The following CSMD1 variants were observed in gnomAD, a reference collection of about 807,000 sequenced individuals.
The protein encoded by CSMD1 is CUB and sushi domain-containing protein 1.
In CSMD1, 213 loss-of-function variants were observed where a neutral mutation model predicts 417.5. The ratio of observed to expected loss-of-function variants is 0.51; its 90% CI spans 0.46 to 0.57. The LOEUF is 0.57. CSMD1 is among the 20% of genes least tolerant of loss of function. CSMD1 has a pLI of 0.00. For synonymous variants in CSMD1, 2,862 were observed against 1,736.8 expected (o/e 1.65, Z -16.11); for missense variants, 6,923 against 4,529.7 (o/e 1.53, Z -15.17).
At chr8:3,484,238 C>G (rs1278188105) in intron 11 of CSMD1, among the ~76,000 whole-genome samples, 2 of 152,192 alleles carry the variant, frequency 1.3e-5, no homozygotes, top group African/African-American at 2.4e-5. Flanking sequence ...AGACTAGACA[C>G]ACATCAGTGT....
chr8:4,593,808 T>G (rs948298324), intron 2 of CSMD1, among the ~76,000 whole-genome samples: 1 of 152,152 alleles, frequency 6.6e-6, no homozygotes, highest in African/African-American at 2.4e-5. Context: ...AAGAACTTTA[T>G]CAAAAAGCTT....
intron 2 of CSMD1, among the ~76,000 whole-genome samples, chr8:4,563,953 A>T (rs1798468210): frequency 6.6e-6 from 1 of 152,190 alleles, no homozygotes. Flanking sequence ...GCAGAAGACT[A>T]AATATATTGT....
At chr8:3,326,425 C>A (rs1392768370) in intron 23 of CSMD1, among the ~76,000 whole-genome samples, 2 of 152,178 alleles carry the variant, frequency 1.3e-5, no homozygotes, top group Non-Finnish European at 2.9e-5. Context: ...CACCTTGAAA[C>A]AGACGAAGGT....
chr8:4,608,164 G>C (rs1033009252), intron 2 of CSMD1, among the ~76,000 whole-genome samples: 5 of 152,186 alleles, frequency 3.3e-5, no homozygotes, highest in African/African-American at 1.2e-4. Flanking sequence ...GACCCTAGGA[G>C]TCTTTTCAGG....
chr8:4,741,369 T>C (rs1810594680), intron 1 of CSMD1, among the ~76,000 whole-genome samples: 1 of 152,208 alleles, frequency 6.6e-6, no homozygotes, highest in South Asian at 2.1e-4. Context: ...ATTCAGCATA[T>C]TGAAAGGACA....
chr8:4,809,358 C>G (rs958556076), intron 1 of CSMD1, among the ~76,000 whole-genome samples: 2 of 152,168 alleles, frequency 1.3e-5, no homozygotes, highest in African/African-American at 4.8e-5. Flanking sequence ...GATGAAACAA[C>G]TGCTTCTAAA....
chr8:4,495,579 A>C (rs1801941302), intron 2 of CSMD1, among the ~76,000 whole-genome samples: 1 of 118,472 alleles, frequency 8.4e-6, no homozygotes, highest in African/African-American at 2.7e-5. Flanking sequence ...CATCTCAGAA[A>C]AAAAGAAAAA....
intron 1 of CSMD1, among the ~76,000 whole-genome samples, chr8:4,706,674 T>C (rs1219974035): frequency 6.6e-6 from 1 of 152,222 alleles, no homozygotes; most frequent in African/African-American, 2.4e-5. Flanking sequence ...GTCATCAATG[T>C]GGCTGAAGTT....
At chr8:3,666,530 T>C (rs1157548017) in intron 7 of CSMD1, among the ~76,000 whole-genome samples, 1 of 152,214 alleles carries the variant, frequency 6.6e-6, no homozygotes, top group Non-Finnish European at 1.5e-5. Flanking sequence ...CAAGCCTTTT[T>C]TGAAAGCTGC....
In CSMD1 at chr8:3,933,899, C is replaced by T. The variant is rs117886435; in HGVS notation, c.818+64004G>A. ...CAAAGCTTTATTTACTTTCTCTAGG[C>T]CACCTAGTAAATATGGGTGAAAAAT... is the stretch of plus-strand genomic sequence containing the variant. On this transcript the variant is annotated intron_variant, in intron 5 of 69. Transcript: ENST00000635120. Among the ~76,000 whole-genome samples the T allele has an allele frequency of 3.1e-3, 466 of 152,132 alleles. 4 individuals carry two copies. The East Asian group carries it at 0.038, about 13-fold the overall frequency.
chr8:3,031,605 GC>G (rs745458317), intron 50 of CSMD1, among the ~76,000 whole-genome samples: 1 of 151,532 alleles, frequency 6.6e-6, no homozygotes, highest in Non-Finnish European at 1.5e-5. Flanking sequence ...TAGTTATATG[GC>G]CCACGCTGGT....
rs1354859493 is a variant in CSMD1 at position 2,950,116 on chromosome 8, A to AG, written c.10314+114dup. On this transcript the variant is annotated intron_variant, in intron 67 of 69. Transcript: ENST00000635120. Reference sequence around the variant, plus strand: ...AAGAAGAGGGGCAGCTGAGTTTTCAAGGGGCAGACACAAGACAGCTCTACT... The same window carrying AG: ...AAGAAGAGGGGCAGCTGAGTTTTCAAGGGGGCAGACACAAGACAGCTCTACT... 34 of 666,146 alleles carry AG rather than the reference A, an allele frequency of 5.1e-5. No homozygotes were observed. The African/African-American group carries it at 5.6e-4, about 11-fold the overall frequency. The allele number at this position is 666,146 out of a possible 1,614,324, so 41.3% of individuals were successfully genotyped here.
At chr8:2,943,209 T>G (rs1447186388) in intron 68 of CSMD1, among the ~76,000 whole-genome samples, 1 of 151,942 alleles carries the variant, frequency 6.6e-6, no homozygotes, top group Non-Finnish European at 1.5e-5. Flanking sequence ...TGTAACTTTT[T>G]AAATTAAATA....
At chr8:4,879,369 A>C (rs1803254949) in intron 1 of CSMD1, among the ~76,000 whole-genome samples, 1 of 152,096 alleles carries the variant, frequency 6.6e-6, no homozygotes, top group African/African-American at 2.4e-5. Flanking sequence ...ATGGTTATGA[A>C]TAAATGGCAT....
intron 5 of CSMD1, among the ~76,000 whole-genome samples, chr8:3,938,096 T>C (rs565919668): frequency 3.3e-5 from 5 of 152,242 alleles, no homozygotes; most frequent in African/African-American, 1.2e-4. Flanking sequence ...TAGTAGAAAT[T>C]TTGAAAGTGT....
At chr8:4,457,729 C>T (rs763536120) in intron 2 of CSMD1, among the ~76,000 whole-genome samples, 2 of 152,156 alleles carry the variant, frequency 1.3e-5, no homozygotes, top group Admixed American at 6.5e-5. Context: ...CCTTCATGTG[C>T]TCCTCTGTAT....
chr8:3,206,419 GTA>G lies in CSMD1; in HGVS notation c.4868-801_4868-800del, dbSNP rs1378615130. ...TGTGTGGGGGGTTATGTCTGTGTGT[GTA>G]TGTGTGTGTGTGGGTGTATGTGTGT... On this transcript the variant is annotated intron_variant, in intron 30 of 69. Coordinates refer to ENST00000635120, the MANE Select transcript of CSMD1 (RefSeq NM_033225.6). 2.2e-3 allele frequency among the ~76,000 whole-genome samples: 265 copies of G among 121,070 alleles called. 3 individuals carry two copies. The highest frequency in any genetic ancestry group is 7.7e-3 in the African/African-American group (240 of 31,252). 79.4% of individuals were successfully genotyped at this position (121,070 alleles called of 152,430 possible).
chr8:4,980,904 A>G (rs1017778923), intron 1 of CSMD1, among the ~76,000 whole-genome samples: 3 of 151,130 alleles, frequency 2.0e-5, no homozygotes, highest in Non-Finnish European at 1.5e-5. Flanking sequence ...ACTGTCTCGA[A>G]AAAAAAAAAA....
chr8:3,282,474 A>G (rs1802814850), intron 26 of CSMD1, among the ~76,000 whole-genome samples: 1 of 152,208 alleles, frequency 6.6e-6, no homozygotes, highest in African/African-American at 2.4e-5. Context: ...TTTGCTAAAT[A>G]AGGCCAATGA....
Sources: allele counts gnomAD v4.1 joint callset (sites outside exome capture counted in the v4.1 genomes callset), GRCh38; gene constraint gnomAD v4.1.1; transcripts MANE v1.5; gene names NCBI Gene and HGNC (gene_info 2026-07-23, HGNC 2026-07-21).